Variants in DSCAML1 observed in about 807,000 individuals in gnomAD.
DSCAML1 encodes DS cell adhesion molecule like 1.
In DSCAML1, 38 loss-of-function variants were observed where a neutral mutation model predicts 200.5. That is an observed-to-expected ratio of 0.19 (90% CI 0.15 to 0.25). The LOEUF is 0.25. DSCAML1 is among the 10% of genes least tolerant of loss of function. The pLI, the probability that DSCAML1 is intolerant of heterozygous loss-of-function variation, is 1.00. For missense variants in DSCAML1, 2,223 were observed against 2,858.8 expected (o/e 0.78, Z 5.07); for synonymous variants, 1,215 against 1,165.0 (o/e 1.04, Z -0.87).
rs375469356 is a variant in DSCAML1 at position 117,461,298 on chromosome 11, G to GC, written c.3412+151dup. The GC allele has an allele frequency of 2.9e-4, 314 of 1,076,726 alleles. 5 individuals are homozygous for GC. The Admixed American group carries it at 7.4e-3, about 25-fold the overall frequency. 66.7% of individuals were successfully genotyped at this position (1,076,726 alleles called of 1,614,324 possible). ...TCCCCCGGCCCCTATAGCCATTATC[G>GC]CCCCCCGTGGTCTCCCCGTGTGGAG... On this transcript the variant is annotated intron_variant, in intron 18 of 32. Transcript: ENST00000651296.
At chr11:117,770,077 TCCAGGGCCTGACTTGAGG>T (rs2055009637) in intron 3 of DSCAML1, among the ~76,000 whole-genome samples, 1 of 152,150 alleles carries the variant, frequency 6.6e-6, no homozygotes, top group East Asian at 1.9e-4. Flanking sequence ...GGTCACAGAC[TCCAGGGCCTGACTTGAGG>T]GCCCGTCTCC....
At chr11:117,659,299 T>C (rs2052796017) in intron 3 of DSCAML1, among the ~76,000 whole-genome samples, 1 of 152,352 alleles carries the variant, frequency 6.6e-6, no homozygotes, top group African/African-American at 2.4e-5. Flanking sequence ...GGGGTTTTAG[T>C]TGATGGAATA....
chr11:117,762,523 G>A (rs994461838), intron 3 of DSCAML1, among the ~76,000 whole-genome samples: 1 of 152,096 alleles, frequency 6.6e-6, no homozygotes, highest in African/African-American at 2.4e-5. Context: ...TGTAAATGGG[G>A]GTAATTGTTT....
At chr11:117,685,872 C>T (rs904441941) in intron 3 of DSCAML1, among the ~76,000 whole-genome samples, 3 of 152,112 alleles carry the variant, frequency 2.0e-5, no homozygotes, top group Non-Finnish European at 4.4e-5. Flanking sequence ...GTCTAGGGGG[C>T]CATGAGAACA....
intron 3 of DSCAML1, among the ~76,000 whole-genome samples, chr11:117,561,941 A>G (rs1201221659): frequency 6.6e-6 from 1 of 152,242 alleles, no homozygotes; most frequent in Non-Finnish European, 1.5e-5. Context: ...TGTGGCATGA[A>G]TAAATGATTG....
At chr11:117,435,268 T>G (rs575113369) in intron 27 of DSCAML1, among the ~76,000 whole-genome samples, 12 of 152,328 alleles carry the variant, frequency 7.9e-5, no homozygotes, top group African/African-American at 2.9e-4. Flanking sequence ...TATTCTTTAG[T>G]GAATGGGTCC....
chr11:117,815,842 GC>G (rs1451501458), intron 1 of DSCAML1, among the ~76,000 whole-genome samples: 1 of 150,898 alleles, frequency 6.6e-6, no homozygotes, highest in African/African-American at 2.4e-5. Flanking sequence ...CTCCCGCCCT[GC>G]CAGGGGACCC....
intron 3 of DSCAML1, among the ~76,000 whole-genome samples, chr11:117,610,803 A>G (rs560459820): frequency 1.3e-5 from 2 of 150,498 alleles, no homozygotes; most frequent in East Asian, 4.0e-4. Flanking sequence ...AGCTGTTACA[A>G]GTAACACTGC....
chr11:117,451,832 T>G (rs2048289636), intron 19 of DSCAML1, among the ~76,000 whole-genome samples: 2 of 150,438 alleles, frequency 1.3e-5, no homozygotes, highest in Admixed American at 1.3e-4. Flanking sequence ...AAAAAAATAA[T>G]AAAGCACCTA....
At chr11:117,439,512 G>C in intron 22 of DSCAML1, 83 bp from the exon 23 acceptor site, 2 of 1,525,234 alleles carry the variant, frequency 1.3e-6, no homozygotes, top group Non-Finnish European at 1.8e-6. Context: ...GTGACAAAGA[G>C]AGCTGGGGGT....
chr11:117,650,147 C>T (rs985051193), intron 3 of DSCAML1, among the ~76,000 whole-genome samples: 9 of 152,186 alleles, frequency 5.9e-5, no homozygotes, highest in Admixed American at 2.0e-4. Context: ...CCAAAAAACA[C>T]GGGTTCCCAG....
rs954128752 is a variant in DSCAML1 at position 117,789,237 on chromosome 11, T to G, written c.46+7797A>C. On this transcript the variant is annotated intron_variant, in intron 1 of 32. Coordinates refer to ENST00000651296, the MANE Select transcript of DSCAML1 (RefSeq NM_020693.4). ...CTTCAACCTCCAAGGCCCTGTGCCA[T>G]CAGCTCCAGGAGAAGTTATGAGCAA... 2.0e-5 allele frequency among the ~76,000 whole-genome samples: 3 copies of G among 152,162 alleles called. No homozygotes were observed. In the South Asian group the frequency reaches 6.2e-4, roughly 32 times the overall value.
chr11:117,648,234 T>C (rs1169132256), intron 3 of DSCAML1, among the ~76,000 whole-genome samples: 2 of 152,140 alleles, frequency 1.3e-5, no homozygotes, highest in African/African-American at 2.4e-5. Context: ...TGTGTGTCCA[T>C]GGGGTGAATT....
At chr11:117,530,932 A>G (rs1184475288) in intron 4 of DSCAML1, among the ~76,000 whole-genome samples, 1 of 152,194 alleles carries the variant, frequency 6.6e-6, no homozygotes, top group Non-Finnish European at 1.5e-5. Context: ...GAGATTTTCA[A>G]CTCGCAACCC....
At chr11:117,658,641 T>C (rs1477424417) in intron 3 of DSCAML1, among the ~76,000 whole-genome samples, 4 of 152,220 alleles carry the variant, frequency 2.6e-5, no homozygotes, top group Non-Finnish European at 4.4e-5. Context: ...ACAGCTGACC[T>C]GGACCAACAA....
intron 27 of DSCAML1, 94 bp downstream of exon 27, chr11:117,435,536 ACAGGCACTCTGTAT>A: frequency 7.5e-7 from 1 of 1,327,448 alleles, no homozygotes; most frequent in Non-Finnish European, 1.0e-6. Context: ...TCAAGGGGAC[ACAGGCACTCTGTAT>A]CATCCAGATG....
chr11:117,556,674 A>G (rs1032020785), intron 3 of DSCAML1, among the ~76,000 whole-genome samples: 2 of 152,182 alleles, frequency 1.3e-5, no homozygotes, highest in African/African-American at 4.8e-5. Flanking sequence ...CTGATGGTAC[A>G]GCTATGCCCC....
At chr11:117,696,556 C>T (rs1208910562) in intron 3 of DSCAML1, among the ~76,000 whole-genome samples, 5 of 152,138 alleles carry the variant, frequency 3.3e-5, no homozygotes, top group South Asian at 2.1e-4. Context: ...CTGGGGAGGC[C>T]GCACTTCTCT....
intron 3 of DSCAML1, among the ~76,000 whole-genome samples, chr11:117,586,426 TG>T (rs2051142468): frequency 1.3e-5 from 2 of 152,202 alleles, no homozygotes; most frequent in Non-Finnish European, 2.9e-5. Flanking sequence ...AGTTTCCCAC[TG>T]GAGAGACCAA....
Sources: allele counts gnomAD v4.1 joint callset (sites outside exome capture counted in the v4.1 genomes callset), GRCh38; gene constraint gnomAD v4.1.1; transcripts MANE v1.5; gene names NCBI Gene and HGNC (gene_info 2026-07-23, HGNC 2026-07-21).